CALN1: variants seen among roughly 807,000 people sequenced by gnomAD.
CALN1 encodes the protein calcium-binding protein 8.
Under a neutral mutation model 30.6 loss-of-function variants are expected in CALN1, and 17 were observed. The ratio of observed to expected loss-of-function variants is 0.56; its 90% confidence interval spans 0.38 to 0.83. CALN1 has a LOEUF of 0.83. Among genes scored for constraint, CALN1 ranks in the 40% least tolerant of loss-of-function variants. The pLI is 0.00. For missense variants in CALN1, 291 were observed against 354.9 expected, an observed-to-expected ratio of 0.82 and a Z score of 1.45; for synonymous variants, 156 against 131.4, an observed-to-expected ratio of 1.19 and a Z score of -1.28.
intron 2 of CALN1, among the ~76,000 whole-genome samples, chr7:72,395,669 C>T (rs1805884179): frequency 2.0e-5 from 3 of 152,030 alleles, no homozygotes; most frequent in Admixed American, 2.0e-4. Context: ...AGGTGGGGTC[C>T]AAGAATCTCC....
chr7:72,146,276 C>T (rs1053978244), intron 3 of CALN1, among the ~76,000 whole-genome samples: 1,534 of 152,158 alleles, frequency 0.01, 24 homozygotes, highest in African/African-American at 0.035. Context: ...CAGCAAAGTC[C>T]CAGGATAAAA....
rs1052111743 is a variant in CALN1, at chr7:72,116,125, A to C, written c.245-9831T>G. 2.0e-5 allele frequency among the ~76,000 whole-genome samples: 3 copies of C among 152,112 alleles called. No homozygotes were observed. In the East Asian group the frequency reaches 5.8e-4, roughly 29 times the overall value. ...TAGGTGATTTGCTATTTGAGGTGTGACTGCATCTATTTCAATAAATACTCA... is the reference window on the plus strand; with the variant it reads ...TAGGTGATTTGCTATTTGAGGTGTGCCTGCATCTATTTCAATAAATACTCA... On this transcript the variant is annotated intron_variant, in intron 3 of 6. Coordinates refer to ENST00000395275, the MANE Select transcript of CALN1 (RefSeq NM_031468.4).
rs372584810 is a variant in CALN1 at position 71,937,866 on chromosome 7, C to T, written c.501+85791G>A. 3.4e-3 allele frequency among the ~76,000 whole-genome samples: 525 copies of T among 152,344 alleles called. 2 individuals are homozygous for T. Among genetic ancestry groups the T allele is most frequent in the African/African-American group, 0.012 (499 of 41,578 alleles). On this transcript the variant is annotated intron_variant, in intron 5 of 6. Transcript: ENST00000395275. Reference sequence around the variant, plus strand: ...ATAAAAAAAGCAATCTATGTTCCATCACGCAGCACCCAAGTGAAATGCAGC... The same window carrying T: ...ATAAAAAAAGCAATCTATGTTCCATTACGCAGCACCCAAGTGAAATGCAGC...
intron 4 of CALN1, among the ~76,000 whole-genome samples, chr7:72,029,634 T>C (rs1456510886): frequency 2.0e-5 from 3 of 152,164 alleles, no homozygotes; most frequent in Non-Finnish European, 2.9e-5. Flanking sequence ...AGGTTCATAA[T>C]CAATCAGGCG....
At chr7:72,023,363 T>C (rs1423739510) in intron 5 of CALN1, among the ~76,000 whole-genome samples, 1 of 152,092 alleles carries the variant, frequency 6.6e-6, no homozygotes, top group Admixed American at 6.6e-5. Flanking sequence ...GTTCAGATAA[T>C]ATCAGTGTGC....
intron 3 of CALN1, among the ~76,000 whole-genome samples, chr7:72,243,913 T>C (rs1442380711): frequency 6.6e-6 from 1 of 152,200 alleles, no homozygotes; most frequent in Non-Finnish European, 1.5e-5. Flanking sequence ...TTTTAGTTTT[T>C]ATTTGCTAGC....
intron 2 of CALN1, among the ~76,000 whole-genome samples, chr7:72,337,933 T>G (rs1403873539): frequency 6.6e-6 from 1 of 152,208 alleles, no homozygotes; most frequent in African/African-American, 2.4e-5. Flanking sequence ...TGCGCTGACC[T>G]CTACTGAGTC....
intron 3 of CALN1, among the ~76,000 whole-genome samples, chr7:72,193,614 T>C (rs1040632188): frequency 6.6e-6 from 1 of 152,222 alleles, no homozygotes; most frequent in Non-Finnish European, 1.5e-5. Context: ...TTATTGCTCC[T>C]AGGTTACAAA....
chr7:72,298,143 G>A (rs1798996292), intron 2 of CALN1, among the ~76,000 whole-genome samples: 1 of 152,174 alleles, frequency 6.6e-6, no homozygotes. Flanking sequence ...TTGTTAAAAT[G>A]TCATCTTTAC....
At position 72,403,428 on chromosome 7, in the gene CALN1, G is replaced by C. The variant is rs1226009747; in HGVS notation, c.-59C>G. 1 of 1,359,622 alleles carries C rather than the reference G, an allele frequency of 7.4e-7. No individual in the cohort carries two copies. The highest frequency in any genetic ancestry group is 1.0e-6 in the Non-Finnish European group (1 of 993,838). 84.2% of individuals were successfully genotyped at this position (1,359,622 alleles called of 1,614,324 possible). ...AGAAGCTCATCAAAGGAACGTCAGC[G>C]AAGGCACTGAGACTCTGAAAGGAGT... On this transcript the variant is annotated 5_prime_UTR_variant, in exon 2 of 7. Transcript: ENST00000395275.
chr7:72,210,327 A>C (rs1257245862), intron 3 of CALN1, among the ~76,000 whole-genome samples: 1 of 152,108 alleles, frequency 6.6e-6, no homozygotes, highest in African/African-American at 2.4e-5. Context: ...GTGAAGAATA[A>C]ATTATTTTGT....
rs58009615 is a variant in CALN1 at position 72,303,572 on chromosome 7, GA to G, written c.120-24763del. Among the ~76,000 whole-genome samples, 1,237 of 137,682 alleles carry G rather than the reference GA, an allele frequency of 9.0e-3. 8 individuals are homozygous for G. The highest frequency in any genetic ancestry group is 0.015 in the Non-Finnish European group (915 of 61,868). 90.3% of individuals were successfully genotyped at this position (137,682 alleles called of 152,430 possible). A position where few individuals can be genotyped will look rare whatever the true frequency, so the allele number is the denominator to read the frequency against. On this transcript the variant is annotated intron_variant, in intron 2 of 6. Transcript: ENST00000395275. ...AACTCCATCTCAAAAAAAAGAAAAA[GA>G]AAAAAAAAAAAGAAACTGCATATGC...
intron 6 of CALN1, among the ~76,000 whole-genome samples, chr7:71,792,336 T>C (rs1263351529): frequency 6.6e-6 from 1 of 152,148 alleles, no homozygotes; most frequent in African/African-American, 2.4e-5. Context: ...ACCAGTATGA[T>C]ACTTGTGAAT....
At chr7:72,138,410 G>A (rs1238820699) in intron 3 of CALN1, among the ~76,000 whole-genome samples, 1 of 152,134 alleles carries the variant, frequency 6.6e-6, no homozygotes, top group Non-Finnish European at 1.5e-5. Flanking sequence ...TCCATGCTGG[G>A]GAGCATTTTC....
intron 3 of CALN1, among the ~76,000 whole-genome samples, chr7:72,234,789 G>A (rs1794365608): frequency 6.6e-6 from 1 of 152,112 alleles, no homozygotes; most frequent in African/African-American, 2.4e-5. Flanking sequence ...GGAGAACAGA[G>A]GCCATCTCTA....
At chr7:71,868,300 G>C (rs1235845649) in intron 5 of CALN1, among the ~76,000 whole-genome samples, 1 of 152,060 alleles carries the variant, frequency 6.6e-6, no homozygotes, top group Non-Finnish European at 1.5e-5. Flanking sequence ...TTCCAATCAT[G>C]GCAGAAGGCA....
chr7:71,920,728 T>C (rs1794902592), intron 5 of CALN1, among the ~76,000 whole-genome samples: 2 of 152,198 alleles, frequency 1.3e-5, no homozygotes. Context: ...CACATATGCC[T>C]GACACATACC....
rs557020863 is a variant in CALN1 at position 71,962,932 on chromosome 7, G to C, written c.501+60725C>G. The stretch of plus-strand genomic sequence containing the variant: ...CAATTCAACGCTTACTCAAATTCTA[G>C]TAACCTTGAAAGATTCAAGTATAAT... On this transcript the variant is annotated intron_variant, in intron 5 of 6. Transcript: ENST00000395275. Among the ~76,000 whole-genome samples, 312 of 152,292 alleles carry C rather than the reference G, an allele frequency of 2.0e-3. 2 individuals are homozygous for C. Among genetic ancestry groups the C allele is most frequent in the African/African-American group, 7.3e-3 (302 of 41,576 alleles).
chr7:72,416,738 A>G (rs1585705917), upstream of CALN1, among the ~76,000 whole-genome samples: 1 of 90,904 alleles, frequency 1.1e-5, no homozygotes, highest in Non-Finnish European at 2.7e-5. Flanking sequence ...CTGTCTCAAA[A>G]AAAAAAAAAA....
Sources: gnomAD v4.1 joint callset for allele counts (sites outside exome capture counted in the v4.1 genomes callset) on GRCh38, gnomAD v4.1.1 for gene constraint, MANE v1.5 for transcripts, NCBI Gene and HGNC (gene_info 2026-07-23, HGNC 2026-07-21) for gene names.